The following PCDHGA7 variants were observed in gnomAD, a reference collection of about 807,000 sequenced individuals.
PCDHGA7 encodes the protein protocadherin gamma-A7.
PCDHGA7 carries 44 observed loss-of-function variants against 58.3 expected under a neutral mutation model. The ratio of observed to expected loss-of-function variants is 0.75; its 90% confidence interval spans 0.59 to 0.97. The LOEUF (loss-of-function observed/expected upper bound fraction) is 0.97. Among genes scored for constraint, PCDHGA7 ranks in the 50% least tolerant of loss-of-function variants. The pLI is 0.00. For synonymous variants in PCDHGA7, 516 were observed against 504.2 expected (o/e 1.02, Z -0.31); for missense variants, 1,266 against 1,188.7 (o/e 1.06, Z -0.96).
rs772345742 is a variant in PCDHGA7 at position 141,398,560 on chromosome 5, T to C, written c.2424+13237T>C. 17 of 1,613,792 alleles carry C rather than the reference T, an allele frequency of 1.1e-5. No individual in the cohort carries two copies. The Admixed American group carries it at 2.2e-4, about 21-fold the overall frequency. ...TTCCTTTGAGCTGCAAATAAGTGAG[T>C]CTGCACAGCCTGGCACAAGATTTAT... On this transcript the variant is annotated intron_variant, in intron 1 of 3. Transcript: ENST00000518325.
Position 141,385,066 on chromosome 5 carries a change from C to T in PCDHGA7, c.2167C>T (p.Arg723Cys). ...ALRLRRWHKSRLLQASEGGLA... is the reference protein window; with the variant it reads ...ALRLRRWHKSCLLQASEGGLA... ...CAGGCTGCGGCGCTGGCACAAGTCA[C>T]GCCTGCTGCAGGCTTCAGAAGGTGG... The change falls in exon 1 of 4, where the codon CGC becomes TGC. Residue 723 changes from arginine to cysteine, a missense_variant. Arg to Cys is a radical substitution (Grantham distance 180). Coordinates refer to ENST00000518325, the MANE Select transcript of PCDHGA7 (RefSeq NM_018920.4). 1.2e-6 allele frequency: 2 copies of T among 1,614,194 alleles called. No homozygotes were observed. Among genetic ancestry groups the T allele is most frequent in the South Asian group, 1.1e-5 (1 of 91,090 alleles).
chr5:141,433,643 C>A (rs899772934), intron 1 of PCDHGA7, among the ~76,000 whole-genome samples: 13 of 152,070 alleles, frequency 8.5e-5, no homozygotes, highest in African/African-American at 2.7e-4. Context: ...TGAGACCAGC[C>A]TGACCAACAT....
intron 1 of PCDHGA7, among the ~76,000 whole-genome samples, chr5:141,484,389 G>A (rs1336850919): frequency 6.6e-6 from 1 of 152,140 alleles, no homozygotes; most frequent in Non-Finnish European, 1.5e-5. Flanking sequence ...GAATAAGAAA[G>A]GTTTGGTTTC....
Position 141,491,045 on chromosome 5 carries a change from A to G in PCDHGA7, c.2425-3762A>G, listed in dbSNP as rs1452139285. 2 of 1,613,970 alleles carry G rather than the reference A, an allele frequency of 1.2e-6. No individual in the cohort carries two copies. The highest frequency in any genetic ancestry group is 1.1e-5 in the South Asian group (1 of 91,090). On this transcript the variant is annotated intron_variant, in intron 1 of 3. Coordinates refer to ENST00000518325, the MANE Select transcript of PCDHGA7 (RefSeq NM_018920.4). This position sits in a 1 kb window ranked among gnomAD's most constrained non-coding sequence, Gnocchi z 6.9. ...GCCGTGGATGCTGATGCAGGCCACA[A>G]TGCGTGGCTCTCCTACTCACTGTTG...
At chr5:141,460,908 T>C (rs550367008) in intron 1 of PCDHGA7, among the ~76,000 whole-genome samples, 2,136 of 133,318 alleles carry the variant, frequency 0.016, 43 homozygotes, top group African/African-American at 0.062. Flanking sequence ...TAATATTCCA[T>C]GGTGTATATA....
In PCDHGA7 at chr5:141,398,901, C is replaced by CACCA. The variant is rs763382637; in HGVS notation, c.2424+13579_2424+13582dup. ...GCCTTCGGGAAAACGTGCCACCAGG[C>CACCA]ACCACTGTGTTGCAAGTGTCAGCCA... On this transcript the variant is annotated intron_variant, in intron 1 of 3. Coordinates refer to ENST00000518325, the MANE Select transcript of PCDHGA7 (RefSeq NM_018920.4). 3.7e-6 allele frequency: 6 copies of CACCA among 1,613,954 alleles called. No homozygotes were observed. The South Asian group carries it at 6.6e-5, about 18-fold the overall frequency.
intron 1 of PCDHGA7, among the ~76,000 whole-genome samples, chr5:141,472,611 G>T (rs1055885253): frequency 1.3e-5 from 2 of 151,938 alleles, no homozygotes; most frequent in South Asian, 4.1e-4. Context: ...ATAAAACAAA[G>T]AAGAAAAAAG....
intron 1 of PCDHGA7, among the ~76,000 whole-genome samples, chr5:141,461,536 T>C (rs1424913303): frequency 1.3e-5 from 2 of 152,240 alleles, no homozygotes; most frequent in Non-Finnish European, 2.9e-5. Context: ...TTCTGGATAC[T>C]AGTCCTTTGT....
rs143767010 is a variant in PCDHGA7 at position 141,460,190 on chromosome 5, A to G, written c.2425-34617A>G. 3.2e-3 allele frequency among the ~76,000 whole-genome samples: 486 copies of G among 152,218 alleles called. 1 individual carries two copies. Among genetic ancestry groups the G allele is most frequent in the Non-Finnish European group, 4.9e-3 (336 of 68,006 alleles). ...TTTTGTGGATATTTTATCCCAGACTATGACTTGTCTTTTCATTTTCTTAGT... is the reference window on the plus strand; with the variant it reads ...TTTTGTGGATATTTTATCCCAGACTGTGACTTGTCTTTTCATTTTCTTAGT... On this transcript the variant is annotated intron_variant, in intron 1 of 3. Coordinates refer to ENST00000518325, the MANE Select transcript of PCDHGA7 (RefSeq NM_018920.4).
At position 141,486,641 on chromosome 5, in the gene PCDHGA7, A is replaced by C; in HGVS notation, c.2425-8166A>C. On this transcript the variant is annotated intron_variant, in intron 1 of 3. Transcript: ENST00000518325. The surrounding 1 kb of genome is among the most constrained non-coding windows in gnomAD (Gnocchi z 5.0). ...CCCAGACTCTGGCTTGAATGCGCTTATCTCCTACTCACTCCTGGAGCCCAG... is the reference window on the plus strand; with the variant it reads ...CCCAGACTCTGGCTTGAATGCGCTTCTCTCCTACTCACTCCTGGAGCCCAG... 6.2e-7 allele frequency: 1 copy of C among 1,613,734 alleles called. No individual in the cohort carries two copies. The highest frequency in any genetic ancestry group is 1.6e-4 in the Middle Eastern group (1 of 6,062).
chr5:141,503,046 G>T (rs1187153008), intron 2 of PCDHGA7, among the ~76,000 whole-genome samples: 1 of 151,658 alleles, frequency 6.6e-6, no homozygotes, highest in Non-Finnish European at 1.5e-5. Flanking sequence ...GTTGAGACAG[G>T]GTTTCACCAT....
chr5:141,421,058 A>G, intron 1 of PCDHGA7: 2 of 577,316 alleles, frequency 3.5e-6, no homozygotes, highest in Non-Finnish European at 3.0e-6. Context: ...TCTACCACAC[A>G]AAGCGGAATG....
intron 1 of PCDHGA7, chr5:141,427,958 G>T: frequency 6.3e-7 from 1 of 1,588,408 alleles, no homozygotes; most frequent in Non-Finnish European, 8.6e-7. Flanking sequence ...ACAATGTGCC[G>T]CGGGTGCTGT....
At position 141,383,909 on chromosome 5, in the gene PCDHGA7, T is replaced by A; in HGVS notation, c.1010T>A (p.Val337Asp). Reference sequence around the variant, plus strand: ...ACAAAGGCAAAAGTACTGATCACAGTTTTAGATGTAAATGATAATGCTCCA... The same window carrying A: ...ACAAAGGCAAAAGTACTGATCACAGATTTAGATGTAAATGATAATGCTCCA... ...SLTKAKVLIT[V>D]LDVNDNAPEV... Residue 337 changes from valine to aspartate, a missense_variant, in exon 1 of 4, where the codon GTT becomes GAT. By Grantham distance (152) the Val-to-Asp change is radical. Transcript: ENST00000518325. 6.2e-7 allele frequency: 1 copy of A among 1,613,856 alleles called. No homozygotes were observed. The highest frequency in any genetic ancestry group is 8.5e-7 in the Non-Finnish European group (1 of 1,179,848).
chr5:141,458,059 T>G (rs533147047), intron 1 of PCDHGA7, among the ~76,000 whole-genome samples: 39 of 152,358 alleles, frequency 2.6e-4, no homozygotes, highest in African/African-American at 8.9e-4. Context: ...CTTGCTGCAC[T>G]GATGCGAACA....
chr5:141,447,852 G>A (rs375081279), intron 1 of PCDHGA7, among the ~76,000 whole-genome samples: 2 of 152,144 alleles, frequency 1.3e-5, no homozygotes, highest in East Asian at 3.9e-4. Context: ...TTGGGAGGCC[G>A]AGGTGGGTGA....
rs749499883 is a variant in PCDHGA7 at position 141,486,382 on chromosome 5, C to T, written c.2425-8425C>T. ...TTGCCCTCAAGTCTGCCTTCAGGAA[C>T]CAGTTCTCCCTGGTGACTGCTGGAC... is the stretch of plus-strand genomic sequence containing the variant. On this transcript the variant is annotated intron_variant, in intron 1 of 3. Transcript: ENST00000518325. The surrounding 1 kb of genome is among the most constrained non-coding windows in gnomAD (Gnocchi z 5.0). 25 of 1,613,986 alleles carry T rather than the reference C, an allele frequency of 1.5e-5. No homozygotes were observed. The highest frequency in any genetic ancestry group is 1.9e-5 in the Non-Finnish European group (23 of 1,179,998).
At chr5:141,481,822 G>A (rs1017311512) in intron 1 of PCDHGA7, among the ~76,000 whole-genome samples, 12 of 151,620 alleles carry the variant, frequency 7.9e-5, no homozygotes, top group Non-Finnish European at 1.5e-4. Context: ...CGTGGTGGCT[G>A]AGGCAGGAGA....
At chr5:141,427,898 C>A (rs2154552434) in intron 1 of PCDHGA7, 1 of 1,570,872 alleles carries the variant, frequency 6.4e-7, no homozygotes, top group Non-Finnish European at 8.7e-7. Context: ...AGGGCTCGCC[C>A]GCGCTCAGCG....
Sources: gnomAD v4.1 joint callset for allele counts (sites outside exome capture counted in the v4.1 genomes callset) on GRCh38, gnomAD v4.1.1 for gene constraint, Gnocchi (gnomAD v3.1) non-coding constraint, MANE v1.5 for transcripts, NCBI Gene and HGNC (gene_info 2026-07-23, HGNC 2026-07-21) for gene names.